The following UBASH3B variants were observed in gnomAD, a reference collection of about 807,000 sequenced individuals.
UBASH3B encodes ubiquitin associated and SH3 domain containing B, also known as ubiquitin-associated and SH3 domain-containing protein B.
UBASH3B carries 37 observed loss-of-function variants against 83.4 expected under a neutral mutation model. The ratio of observed to expected loss-of-function variants is 0.44; its 90% CI spans 0.34 to 0.58. UBASH3B has a LOEUF of 0.58. UBASH3B is among the 20% of genes least tolerant of loss of function. UBASH3B has a pLI of 0.01. For missense variants in UBASH3B, 657 were observed against 827.2 expected, an observed-to-expected ratio of 0.79 and a Z score of 2.52; for synonymous variants, 304 against 318.3, an observed-to-expected ratio of 0.96 and a Z score of 0.48.
chr11:122,759,854 A>C lies in UBASH3B; in HGVS notation c.162-16365A>C, dbSNP rs890176203. Among the ~76,000 whole-genome samples the C allele has an allele frequency of 1.3e-5, 2 of 152,154 alleles. No homozygotes were observed. Among genetic ancestry groups the C allele is most frequent in the Admixed American group, 6.5e-5 (1 of 15,286 alleles). On this transcript the variant is annotated intron_variant, in intron 1 of 13. Transcript: ENST00000284273. The surrounding 1 kb of genome is among the most constrained non-coding windows in gnomAD (Gnocchi z 4.1). ...GTGGCTCAGGGGTTGGAGACACCTGACTTAGATGTGTCTTATGTGTGTCAT... is the reference window on the plus strand; with the variant it reads ...GTGGCTCAGGGGTTGGAGACACCTGCCTTAGATGTGTCTTATGTGTGTCAT...
intron 3 of UBASH3B, 36 bp from the exon 4 acceptor site, chr11:122,779,461 T>A (rs1478327317): frequency 6.2e-7 from 1 of 1,611,140 alleles, no homozygotes; most frequent in Non-Finnish European, 8.5e-7. Context: ...CATCTCCCCT[T>A]GTCTCTGAGT....
At chr11:122,751,316 A>G (rs1464300288) in intron 1 of UBASH3B, among the ~76,000 whole-genome samples, 2 of 152,220 alleles carry the variant, frequency 1.3e-5, no homozygotes, top group Non-Finnish European at 2.9e-5. Context: ...AGCCTCCTGA[A>G]TGCTCCTTGG....
intron 1 of UBASH3B, chr11:122,727,417 G>A (rs147167407): frequency 3.1e-4 from 47 of 152,308 alleles, no homozygotes; most frequent in African/African-American, 1.1e-3. Context: ...GAGGCTCAGA[G>A]GAAGGAAGTT....
intron 1 of UBASH3B, among the ~76,000 whole-genome samples, chr11:122,662,683 G>A (rs1004124786): frequency 9.9e-5 from 15 of 151,848 alleles, no homozygotes; most frequent in Non-Finnish European, 1.9e-4. Context: ...CGCCCGCCTC[G>A]GCCTCCCAAA....
chr11:122,692,710 A>C (rs991336274), intron 1 of UBASH3B, among the ~76,000 whole-genome samples: 1 of 152,224 alleles, frequency 6.6e-6, no homozygotes, highest in Non-Finnish European at 1.5e-5. Context: ...GAATATGGGG[A>C]AATAGCCAGA....
intron 1 of UBASH3B, among the ~76,000 whole-genome samples, chr11:122,768,005 G>A (rs537540978): frequency 6.6e-6 from 1 of 152,154 alleles, no homozygotes; most frequent in African/African-American, 2.4e-5. Context: ...CGGTTGACTT[G>A]CATGACTGTC....
chr11:122,746,077 G>A (rs764536974), intron 1 of UBASH3B, among the ~76,000 whole-genome samples: 5 of 152,130 alleles, frequency 3.3e-5, no homozygotes, highest in South Asian at 2.1e-4. Flanking sequence ...GTGGGCAGAC[G>A]GATAATTAGA....
chr11:122,679,182 G>T (rs555458372), intron 1 of UBASH3B, among the ~76,000 whole-genome samples: 28 of 152,328 alleles, frequency 1.8e-4, no homozygotes, highest in Non-Finnish European at 3.1e-4. Context: ...ACATGTTGAG[G>T]GTGAAGGGGT....
intron 1 of UBASH3B, among the ~76,000 whole-genome samples, chr11:122,772,070 G>A (rs941703435): frequency 1.1e-4 from 16 of 152,362 alleles, no homozygotes; most frequent in East Asian, 1.9e-4. Flanking sequence ...GTGTTCAACA[G>A]ATGATGAGTA....
At chr11:122,796,033 G>A (rs751728657) in intron 7 of UBASH3B, 123 bp from the exon 8 acceptor site, 1 of 1,268,496 alleles carries the variant, frequency 7.9e-7, no homozygotes, top group Non-Finnish European at 1.1e-6. Flanking sequence ...GAGTCTTACT[G>A]TCCTCACCAA....
intron 1 of UBASH3B, among the ~76,000 whole-genome samples, chr11:122,771,402 G>A (rs1455110820): frequency 2.0e-5 from 3 of 151,986 alleles, no homozygotes; most frequent in African/African-American, 4.8e-5. Context: ...CACCACGCCC[G>A]GCTAATTTTT....
intron 1 of UBASH3B, among the ~76,000 whole-genome samples, chr11:122,685,916 T>C (rs1449074727): frequency 1.3e-5 from 2 of 152,180 alleles, no homozygotes; most frequent in East Asian, 3.9e-4. Context: ...GGATACAGGC[T>C]GAACAGATGA....
Position 122,783,184 on chromosome 11 carries a change from A to G in UBASH3B, c.733A>G (p.Thr245Ala), listed in dbSNP as rs1293600819. 3 of 1,614,066 alleles carry G rather than the reference A, an allele frequency of 1.9e-6. No individual in the cohort carries two copies. Reference sequence around the variant, plus strand: ...CAAGCTAGGGTGTGACTGGGTGGCTACCATATTTTCTCGGGATATCCGATT... The same window carrying G: ...CAAGCTAGGGTGTGACTGGGTGGCTGCCATATTTTCTCGGGATATCCGATT... ...DVKLGCDWVA[T>A]IFSRDIRFAN... Residue 245 changes from threonine to alanine, a missense_variant, in exon 5 of 14, where the codon ACC (threonine) becomes GCC (alanine). Thr to Ala is a moderately conservative substitution (Grantham distance 58). This residue lies in a region of UBASH3B where 573 missense variants were observed against 739.0 expected (regional missense o/e 0.78). Transcript: ENST00000284273.
chr11:122,806,557 TTA>T lies in UBASH3B; in HGVS notation c.1702+43_1702+44del. 6.6e-7 allele frequency: 1 copy of T among 1,521,346 alleles called. No homozygotes were observed. The highest frequency in any genetic ancestry group is 8.7e-7 in the Non-Finnish European group (1 of 1,143,324). 94.2% of individuals were successfully genotyped at this position (1,521,346 alleles called of 1,614,324 possible). ...CTGAACTCCATCTGTACATACGTGA[TTA>T]TTTCTCTATAATGGTTAATAGGTTA... is the stretch of plus-strand genomic sequence containing the variant. On this transcript the variant is annotated intron_variant, in intron 12 of 13. Transcript: ENST00000284273. The surrounding 1 kb of genome is among the most constrained non-coding windows in gnomAD (Gnocchi z 4.0).
Position 122,729,318 on chromosome 11 carries a change from C to T in UBASH3B, c.162-46901C>T, listed in dbSNP as rs141008128. Reference sequence around the variant, plus strand: ...GGCCCAGTTCAGCTGAGATGCCACGCGGTTCTTGTTGAGGGGAAGGGGTGT... The same window carrying T: ...GGCCCAGTTCAGCTGAGATGCCACGTGGTTCTTGTTGAGGGGAAGGGGTGT... On this transcript the variant is annotated intron_variant, in intron 1 of 13. Transcript: ENST00000284273. Among the ~76,000 whole-genome samples, 9 of 152,240 alleles carry T rather than the reference C, an allele frequency of 5.9e-5. No individual in the cohort carries two copies. The East Asian group carries it at 7.7e-4, about 13-fold the overall frequency.
intron 1 of UBASH3B, among the ~76,000 whole-genome samples, chr11:122,665,709 A>G (rs1256871242): frequency 6.6e-6 from 1 of 152,250 alleles, no homozygotes; most frequent in African/African-American, 2.4e-5. Context: ...TGAGGCAATT[A>G]CAGTGGTGGG....
At chr11:122,720,229 A>T (rs1860600013) in intron 1 of UBASH3B, among the ~76,000 whole-genome samples, 1 of 152,164 alleles carries the variant, frequency 6.6e-6, no homozygotes, top group South Asian at 2.1e-4. Flanking sequence ...CAGTCTTGTC[A>T]TCTCCAAGCA....
chr11:122,788,983 T>C (rs2370779), intron 5 of UBASH3B, 117 bp from the exon 6 acceptor site: 476,325 of 928,324 alleles, frequency 0.51, 130,332 homozygotes, highest in Non-Finnish European at 0.58. Flanking sequence ...CAAGGGCTCC[T>C]GGGCACATCG....
chr11:122,719,057 T>C (rs1860578893), intron 1 of UBASH3B, among the ~76,000 whole-genome samples: 1 of 152,052 alleles, frequency 6.6e-6, no homozygotes, highest in African/African-American at 2.4e-5. Context: ...AAAAAACACT[T>C]ACTGAGTATT....
Sources: allele counts gnomAD v4.1 joint callset (sites outside exome capture counted in the v4.1 genomes callset), GRCh38; gene constraint gnomAD v4.1.1; regional missense constraint gnomAD v4.1.1; non-coding constraint Gnocchi (gnomAD v3.1); transcripts MANE v1.5; gene names NCBI Gene and HGNC (gene_info 2026-07-23, HGNC 2026-07-21).